UGT2B17: variants seen among roughly 807,000 people sequenced by gnomAD.
UGT2B17 encodes UDP glucuronosyltransferase family 2 member B17.
A neutral mutation model predicts 48.2 loss-of-function variants in UGT2B17; 21 were observed. The observed-to-expected ratio is 0.44, with a 90% CI of 0.31 to 0.63. UGT2B17 has a LOEUF of 0.63. UGT2B17 is among the 20% of genes least tolerant of loss of function. The pLI, the probability that UGT2B17 is intolerant of heterozygous loss-of-function variation, is 0.08. For synonymous variants in UGT2B17, 146 were observed against 238.4 expected (o/e 0.61, Z 3.57); for missense variants, 402 against 696.1 (o/e 0.58, Z 4.75).
rs1182011820 is a variant in UGT2B17, at chr4:68,564,294, A to ATTT, written c.873+1275_873+1277dup. ...ATTTCATATATATATATATATATAT[A>ATTT]TTTTTTTTTTTTGAGACAGAGTCTC... On this transcript the variant is annotated intron_variant, in intron 3 of 6. Transcript: ENST00000317746. 2.6e-4 allele frequency among the ~76,000 whole-genome samples: 20 copies of ATTT among 75,752 alleles called. 3 individuals carry two copies. The highest frequency in any genetic ancestry group is 4.6e-4 in the African/African-American group (9 of 19,702). The allele number at this position is 75,752 out of a possible 152,430, so 49.7% of individuals were successfully genotyped here.
rs1210981162 is a variant in UGT2B17 at position 68,570,200 on chromosome 4, TC to T, written c.-64-1653del. 2.3e-4 allele frequency among the ~76,000 whole-genome samples: 29 copies of T among 127,128 alleles called. 7 individuals are homozygous for T. Among genetic ancestry groups the T allele is most frequent in the African/African-American group, 7.8e-4 (29 of 37,212 alleles). The allele number at this position is 127,128 out of a possible 152,430, so 83.4% of individuals were successfully genotyped here. The stretch of plus-strand genomic sequence containing the variant: ...AAGCTCCTCAAGTGCGCAATTTTTG[TC>T]CTTTTTAAGGGCTCACAACACTAAA... On this transcript the variant is annotated intron_variant, in intron 1 of 6. Coordinates refer to ENST00000317746, the MANE Select transcript of UGT2B17 (RefSeq NM_001077.4).
At chr4:68,571,688 A>G (rs1290285119) in intron 1 of UGT2B17, among the ~76,000 whole-genome samples, 2 of 126,188 alleles carry the variant, frequency 1.6e-5, no homozygotes, top group Non-Finnish European at 3.4e-5. Flanking sequence ...GTCTGTAGGA[A>G]CTAATTCTTG....
In UGT2B17 at chr4:68,546,720, C is replaced by T. The variant is rs1358612573; in HGVS notation, c.1313+3957G>A. Among the ~76,000 whole-genome samples the T allele has an allele frequency of 2.4e-5, 3 of 125,916 alleles. 1 individual carries two copies. The highest frequency in any genetic ancestry group is 8.2e-5 in the African/African-American group (3 of 36,800). The allele number at this position is 125,916 out of a possible 152,430, so 82.6% of individuals were successfully genotyped here. ...ATCTCCTTAAGCTGATAAGCAACTT[C>T]AGCAAAGTCTCAGGATAAAAAATCA... On this transcript the variant is annotated intron_variant, in intron 6 of 6. Transcript: ENST00000317746.
chr4:68,537,467 A>C lies in UGT2B17; in HGVS notation c.*158T>G. On this transcript the variant is annotated 3_prime_UTR_variant, in exon 7 of 7. Coordinates refer to ENST00000317746, the MANE Select transcript of UGT2B17 (RefSeq NM_001077.4). Reference sequence around the variant, plus strand: ...CATAGAATAATTCCAACTAAAGTACATATTAAATTCCTGGAAAATAAATTT... The same window carrying C: ...CATAGAATAATTCCAACTAAAGTACCTATTAAATTCCTGGAAAATAAATTT... 1 of 600,546 alleles carries C rather than the reference A, an allele frequency of 1.7e-6. No homozygotes were observed. The highest frequency in any genetic ancestry group is 2.3e-6 in the Non-Finnish European group (1 of 429,242). 37.2% of individuals were successfully genotyped at this position (600,546 alleles called of 1,614,324 possible). A position where few individuals can be genotyped will look rare whatever the true frequency, so the allele number is the denominator to read the frequency against.
intron 6 of UGT2B17, among the ~76,000 whole-genome samples, chr4:68,540,454 G>A (rs1478823882): frequency 8.0e-6 from 1 of 125,492 alleles, no homozygotes; most frequent in Non-Finnish European, 1.7e-5. Context: ...CTCCTGAGGA[G>A]CTGGGACTAC....
At chr4:68,550,452 T>G (rs1343844870) in intron 6 of UGT2B17, among the ~76,000 whole-genome samples, 1 of 125,696 alleles carries the variant, frequency 8.0e-6, no homozygotes, top group African/African-American at 2.7e-5. Context: ...ATCTTTAATT[T>G]TTTTGATTTT....
chr4:68,565,261 T>A lies in UGT2B17; in HGVS notation c.873+311A>T, dbSNP rs772188143. 2.4e-5 allele frequency among the ~76,000 whole-genome samples: 3 copies of A among 126,494 alleles called. 1 individual carries two copies. Among genetic ancestry groups the A allele is most frequent in the Non-Finnish European group, 5.0e-5 (3 of 59,736 alleles). The allele number at this position is 126,494 out of a possible 152,430, so 83.0% of individuals were successfully genotyped here. Reference sequence around the variant, plus strand: ...ATTCTCTGAAAATCCAGCACTTACCTGTGGTTTGCATTAATCACTCTACAA... The same window carrying A: ...ATTCTCTGAAAATCCAGCACTTACCAGTGGTTTGCATTAATCACTCTACAA... On this transcript the variant is annotated intron_variant, in intron 3 of 6. Transcript: ENST00000317746.
chr4:68,550,247 A>G (rs1730890579), intron 6 of UGT2B17, among the ~76,000 whole-genome samples: 1 of 124,936 alleles, frequency 8.0e-6, no homozygotes, highest in African/African-American at 2.7e-5. Flanking sequence ...AGTGAATGTT[A>G]TGCTATGCAA....
In UGT2B17 at chr4:68,537,561, C is replaced by G; in HGVS notation, c.*64G>C. On this transcript the variant is annotated 3_prime_UTR_variant, in exon 7 of 7. Coordinates refer to ENST00000317746, the MANE Select transcript of UGT2B17 (RefSeq NM_001077.4). ...AAAAGGAAATCCTCCATTTAAAACC[C>G]TCCATGCTGGAATAAAGGAGGAGTC... is the stretch of plus-strand genomic sequence containing the variant. The G allele has an allele frequency of 8.1e-7, 1 of 1,236,660 alleles. No individual in the cohort carries two copies. Among genetic ancestry groups the G allele is most frequent in the Non-Finnish European group, 1.0e-6 (1 of 966,026 alleles). 76.6% of individuals were successfully genotyped at this position (1,236,660 alleles called of 1,614,324 possible).
At chr4:68,565,792 G>A in intron 2 of UGT2B17, 72 bp from the exon 3 acceptor site, 1 of 1,241,462 alleles carries the variant, frequency 8.1e-7, no homozygotes, top group Non-Finnish European at 1.0e-6. Flanking sequence ...TGAATATGCA[G>A]GTATTTTCCT....
At chr4:68,548,361 T>A (rs1311886238) in intron 6 of UGT2B17, among the ~76,000 whole-genome samples, 1 of 124,162 alleles carries the variant, frequency 8.1e-6, no homozygotes, top group Admixed American at 8.3e-5. Context: ...CACTCATAGG[T>A]GGGAATTGAA....
At position 68,574,261 on chromosome 4, in the gene UGT2B17, C is replaced by A. The variant is rs1436150706; in HGVS notation, c.-65+1690G>T. ...TTTTAGACCAAAGAAAGCTAAACAT[C>A]ATTTTATATTTAATGTTTCTTGTAT... On this transcript the variant is annotated intron_variant, in intron 1 of 6. Coordinates refer to ENST00000317746, the MANE Select transcript of UGT2B17 (RefSeq NM_001077.4). Among the ~76,000 whole-genome samples, 2 of 126,754 alleles carry A rather than the reference C, an allele frequency of 1.6e-5. 1 individual carries two copies. The allele number at this position is 126,754 out of a possible 152,430, so 83.2% of individuals were successfully genotyped here.
Position 68,568,574 on chromosome 4 carries a change from A to G in UGT2B17, c.-64-26T>C. 2 of 1,216,074 alleles carry G rather than the reference A, an allele frequency of 1.6e-6. 1 individual carries two copies. Among genetic ancestry groups the G allele is most frequent in the Non-Finnish European group, 2.1e-6 (2 of 967,088 alleles). The allele number at this position is 1,216,074 out of a possible 1,614,324, so 75.3% of individuals were successfully genotyped here. A position where few individuals can be genotyped will look rare whatever the true frequency, so the allele number is the denominator to read the frequency against. On this transcript the variant is annotated intron_variant, in intron 1 of 6. Transcript: ENST00000317746. The stretch of plus-strand genomic sequence containing the variant: ...CTGAGGAAAAATCAATCAAGTTAAA[A>G]TATAACTGCTAAAATTTGAGTTGAC...
rs905072428 is a variant in UGT2B17, at chr4:68,551,317, A to AT, written c.1094-422dup. ...TAGTTAAAATATTTAAAATACTTAA[A>AT]TTTTTTTTTAAAGGCAGCAAGGAGT... On this transcript the variant is annotated intron_variant, in intron 5 of 6. Coordinates refer to ENST00000317746, the MANE Select transcript of UGT2B17 (RefSeq NM_001077.4). Among the ~76,000 whole-genome samples the AT allele has an allele frequency of 9.1e-4, 113 of 124,438 alleles. 28 individuals are homozygous for AT. The highest frequency in any genetic ancestry group is 2.8e-3 in the African/African-American group (102 of 36,780). 81.6% of individuals were successfully genotyped at this position (124,438 alleles called of 152,430 possible).
At chr4:68,542,918 T>C (rs1730702936) in intron 6 of UGT2B17, among the ~76,000 whole-genome samples, 1 of 125,922 alleles carries the variant, frequency 7.9e-6, no homozygotes, top group African/African-American at 2.7e-5. Context: ...TTCCCATGGA[T>C]TGAATAGGTA....
At chr4:68,574,410 A>T (rs1731337948) in intron 1 of UGT2B17, among the ~76,000 whole-genome samples, 2 of 126,600 alleles carry the variant, frequency 1.6e-5, no homozygotes, top group Admixed American at 1.6e-4. Context: ...ATAAGGTAAG[A>T]TTTTATAGAC....
rs1213826424 is a variant in UGT2B17, at chr4:68,571,187, A to AT, written c.-64-2640dup. The stretch of plus-strand genomic sequence containing the variant: ...AGTGGCGGGTCCATAGTATTGTATG[A>AT]TTTTTTTCAGGGGGCTATTTATCAT... On this transcript the variant is annotated intron_variant, in intron 1 of 6. Coordinates refer to ENST00000317746, the MANE Select transcript of UGT2B17 (RefSeq NM_001077.4). 2.2e-4 allele frequency among the ~76,000 whole-genome samples: 28 copies of AT among 124,836 alleles called. 5 individuals carry two copies. Among genetic ancestry groups the AT allele is most frequent in the Non-Finnish European group, 4.4e-4 (26 of 59,052 alleles). The allele number at this position is 124,836 out of a possible 152,430, so 81.9% of individuals were successfully genotyped here.
intron 4 of UGT2B17, among the ~76,000 whole-genome samples, chr4:68,553,266 G>A (rs1730947444): frequency 8.0e-6 from 1 of 125,786 alleles, no homozygotes; most frequent in African/African-American, 2.7e-5. Flanking sequence ...AGATGCAAAA[G>A]AGAAAACAAA....
chr4:68,558,284 T>C lies in UGT2B17; in HGVS notation c.1005+2253A>G, dbSNP rs1731039375. ...TAATGTTTTTCAATTTTTATTACTG[T>C]CTACAGTTTGGACTGAATTCTAATT... On this transcript the variant is annotated intron_variant, in intron 4 of 6. Transcript: ENST00000317746. Among the ~76,000 whole-genome samples the C allele has an allele frequency of 1.6e-5, 2 of 124,900 alleles. 1 individual carries two copies. Among genetic ancestry groups the C allele is most frequent in the Admixed American group, 1.7e-4 (2 of 12,088 alleles). The allele number at this position is 124,900 out of a possible 152,430, so 81.9% of individuals were successfully genotyped here.
Sources: allele counts gnomAD v4.1 joint callset (sites outside exome capture counted in the v4.1 genomes callset), GRCh38; gene constraint gnomAD v4.1.1; transcripts MANE v1.5; gene names NCBI Gene and HGNC (gene_info 2026-07-23, HGNC 2026-07-21).